The following CYFIP2 variants were observed in gnomAD, a reference collection of about 807,000 sequenced individuals.
CYFIP2 encodes the protein cytoplasmic FMR1-interacting protein 2.
Under a neutral mutation model 158.7 loss-of-function variants are expected in CYFIP2, and 29 were observed. That is an observed-to-expected ratio of 0.18 (90% confidence interval 0.14 to 0.25). CYFIP2 has a LOEUF of 0.25. Among genes scored for constraint, CYFIP2 ranks in the 10% least tolerant of loss-of-function variants. CYFIP2 has a pLI of 1.00. For missense variants in CYFIP2, 852 were observed against 1,639.5 expected, an observed-to-expected ratio of 0.52 and a Z score of 8.29; for synonymous variants, 585 against 617.6, an observed-to-expected ratio of 0.95 and a Z score of 0.78.
At position 157,392,460 on chromosome 5, in the gene CYFIP2, A is replaced by C. The variant is rs185120575; in HGVS notation, c.3595-373A>C. On this transcript the variant is annotated intron_variant, in intron 30 of 30. Coordinates refer to ENST00000620254, the MANE Select transcript of CYFIP2 (RefSeq NM_001037333.3). ...TGTGTGGGTATCCATATTTCCCAGCACCTTTTGTTGAAAAGGCTGTTTCCC... is the reference window on the plus strand; with the variant it reads ...TGTGTGGGTATCCATATTTCCCAGCCCCTTTTGTTGAAAAGGCTGTTTCCC... Among the ~76,000 whole-genome samples, 313 of 152,280 alleles carry C rather than the reference A, an allele frequency of 2.1e-3. 6 individuals are homozygous for C. The highest frequency in any genetic ancestry group is 0.019 in the Admixed American group (287 of 15,310).
chr5:157,266,129 T>A lies in CYFIP2; in HGVS notation c.-90T>A, dbSNP rs1247081533. ...CGGCGCAGCGGAGCGGGGCAGAGCA[T>A]CCTGCGCCCCGGCGCGGGGCCCTGC... On this transcript the variant is annotated 5_prime_UTR_variant, in exon 1 of 31. Transcript: ENST00000620254. This position sits in a 1 kb window ranked among gnomAD's most constrained non-coding sequence, Gnocchi z 4.2. 6.7e-6 allele frequency: 1 copy of A among 150,364 alleles called. No individual in the cohort carries two copies. Among genetic ancestry groups the A allele is most frequent in the Non-Finnish European group, 1.5e-5 (1 of 67,320 alleles). 9.3% of individuals were successfully genotyped at this position (150,364 alleles called of 1,614,324 possible). A position where few individuals can be genotyped will look rare whatever the true frequency, so the allele number is the denominator to read the frequency against.
intron 20 of CYFIP2, 92 bp downstream of exon 20, chr5:157,330,942 T>C: frequency 1.1e-6 from 1 of 950,432 alleles, no homozygotes; most frequent in Non-Finnish European, 1.7e-6. Context: ...GCCTGGGTAT[T>C]GTCTGCCCGG....
chr5:157,303,292 A>C lies in CYFIP2; in HGVS notation c.666+402A>C, dbSNP rs147161689. 8.3e-4 allele frequency among the ~76,000 whole-genome samples: 127 copies of C among 152,318 alleles called. 1 individual carries two copies. Among genetic ancestry groups the C allele is most frequent in the African/African-American group, 2.8e-3 (117 of 41,568 alleles). On this transcript the variant is annotated intron_variant, in intron 7 of 30. Transcript: ENST00000620254. ...TGAGAATATTATGAGAACCCATCTC[A>C]TAGGACTGTTGTGAGAAATAAATGA...
rs1295704784 is a variant in CYFIP2, at chr5:157,395,263, C to G, written c.*2263C>G. 3.6e-6 allele frequency: 1 copy of G among 274,000 alleles called. No homozygotes were observed. Among genetic ancestry groups the G allele is most frequent in the Non-Finnish European group, 7.0e-6 (1 of 143,326 alleles). The allele number at this position is 274,000 out of a possible 1,614,324, so 17.0% of individuals were successfully genotyped here. ...TAATATTCTTTCCTCCTTGGCATTA[C>G]TGCCCCAGCCTCTTTTTATTTTTTT... is the stretch of plus-strand genomic sequence containing the variant. On this transcript the variant is annotated 3_prime_UTR_variant, in exon 31 of 31. Transcript: ENST00000620254.
At chr5:157,315,612 G>C (rs1388045025) in intron 13 of CYFIP2, among the ~76,000 whole-genome samples, 1 of 152,180 alleles carries the variant, frequency 6.6e-6, no homozygotes, top group African/African-American at 2.4e-5. Flanking sequence ...CATACCCTTT[G>C]GTGAAGTTCT....
intron 13 of CYFIP2, among the ~76,000 whole-genome samples, chr5:157,316,031 A>C (rs1364999815): frequency 1.3e-5 from 2 of 152,200 alleles, no homozygotes; most frequent in Non-Finnish European, 2.9e-5. Flanking sequence ...TGGAAATTGC[A>C]TTGAGCCAAG....
At chr5:157,388,604 TA>T (rs1198148630) in intron 28 of CYFIP2, among the ~76,000 whole-genome samples, 2 of 152,240 alleles carry the variant, frequency 1.3e-5, no homozygotes, top group Non-Finnish European at 2.9e-5. Context: ...TCAATGTTTT[TA>T]AGTAGAATTG....
chr5:157,303,059 A>G, intron 7 of CYFIP2, 169 bp downstream of exon 7: 1 of 577,734 alleles, frequency 1.7e-6, no homozygotes, highest in Non-Finnish European at 3.1e-6. Context: ...CTGTCCTCCC[A>G]ACCCCAGGTG....
chr5:157,304,476 A>G, intron 8 of CYFIP2, 110 bp downstream of exon 8: 1 of 1,273,308 alleles, frequency 7.9e-7, no homozygotes, highest in African/African-American at 1.5e-5. Context: ...AAACATTGAT[A>G]CAGATCTTAC....
chr5:157,278,116 A>G (rs1464098379), intron 1 of CYFIP2, among the ~76,000 whole-genome samples: 2 of 151,986 alleles, frequency 1.3e-5, no homozygotes, highest in East Asian at 1.9e-4. Context: ...TTTAATAGGA[A>G]CAACCTAAAT....
In CYFIP2 at chr5:157,275,873, A is replaced by T. The variant is rs189058781; in HGVS notation, c.-23-9466A>T. ...GTGTATGTTTTGTACTTATTTTGTT[A>T]AGTTTATTTCTAAGTATTGTATTAT... On this transcript the variant is annotated intron_variant, in intron 1 of 30. Transcript: ENST00000620254. Among the ~76,000 whole-genome samples the T allele has an allele frequency of 4.3e-3, 649 of 152,276 alleles. 5 individuals are homozygous for T. The highest frequency in any genetic ancestry group is 0.015 in the African/African-American group (612 of 41,558).
rs1217732966 is a variant in CYFIP2, at chr5:157,311,968, G to T, written c.1110+187G>T. Among the ~76,000 whole-genome samples, 1 of 152,186 alleles carries T rather than the reference G, an allele frequency of 6.6e-6. No homozygotes were observed. Among genetic ancestry groups the T allele is most frequent in the Non-Finnish European group, 1.5e-5 (1 of 68,026 alleles). The stretch of plus-strand genomic sequence containing the variant: ...TGGGGTGAATTCTGGTGGTGCTGCT[G>T]CCCTTTGTAAGTTATTCAACATCTC... On this transcript the variant is annotated intron_variant, in intron 11 of 30. Transcript: ENST00000620254. The surrounding 1 kb of genome is among the most constrained non-coding windows in gnomAD (Gnocchi z 4.7).
At chr5:157,389,693 C>A in intron 29 of CYFIP2, 1 of 335,084 alleles carries the variant, frequency 3.0e-6, no homozygotes, top group Non-Finnish European at 5.4e-6. Context: ...GAGCAGACAG[C>A]AGAGCTAGTT....
At position 157,301,146 on chromosome 5, in the gene CYFIP2, C is replaced by T. The variant is rs548916619; in HGVS notation, c.569+250C>T. On this transcript the variant is annotated intron_variant, in intron 6 of 30. Coordinates refer to ENST00000620254, the MANE Select transcript of CYFIP2 (RefSeq NM_001037333.3). Reference sequence around the variant, plus strand: ...CAAGATGGAATCAAACCCTCAGTTCCCCCATCTCTGGAGCAGCAGCATTTT... The same window carrying T: ...CAAGATGGAATCAAACCCTCAGTTCTCCCATCTCTGGAGCAGCAGCATTTT... Among the ~76,000 whole-genome samples, 7 of 152,296 alleles carry T rather than the reference C, an allele frequency of 4.6e-5. No individual in the cohort carries two copies. In the East Asian group the frequency reaches 1.4e-3, roughly 29 times the overall value.
At chr5:157,338,876 C>G (rs1338905370) in intron 21 of CYFIP2, among the ~76,000 whole-genome samples, 181 bp from the exon 22 acceptor site, 1 of 152,196 alleles carries the variant, frequency 6.6e-6, no homozygotes, top group African/African-American at 2.4e-5. Flanking sequence ...TCTGACAATC[C>G]TTCCACTTCT....
intron 23 of CYFIP2, among the ~76,000 whole-genome samples, chr5:157,343,896 A>G (rs1244423798): frequency 3.3e-5 from 5 of 152,186 alleles, no homozygotes; most frequent in Non-Finnish European, 7.3e-5. Context: ...AGGAGAAATC[A>G]GTAGAACCTC....
At chr5:157,359,297 A>G (rs1763634405) in intron 24 of CYFIP2, 149 bp downstream of exon 24, 1 of 768,344 alleles carries the variant, frequency 1.3e-6, no homozygotes, top group South Asian at 1.8e-5. Flanking sequence ...TCCCTTGCCC[A>G]TATCCCTGGA....
At chr5:157,320,597 TGTA>T (rs1205993442) in intron 14 of CYFIP2, 55 bp from the exon 15 acceptor site, 3 of 1,608,280 alleles carry the variant, frequency 1.9e-6, no homozygotes, top group Non-Finnish European at 2.5e-6. Context: ...AACACAAGCT[TGTA>T]GTGACGTTTT....
At chr5:157,323,894 CCTT>C (rs1233098127) in intron 15 of CYFIP2, 24 bp from the exon 16 acceptor site, 1 of 1,523,022 alleles carries the variant, frequency 6.6e-7, no homozygotes, top group Non-Finnish European at 8.9e-7. Context: ...CAGCTTCTGA[CCTT>C]CTCATCTTGC....
Sources: gnomAD v4.1 joint callset for allele counts (sites outside exome capture counted in the v4.1 genomes callset) on GRCh38, gnomAD v4.1.1 for gene constraint, Gnocchi (gnomAD v3.1) non-coding constraint, MANE v1.5 for transcripts, NCBI Gene and HGNC (gene_info 2026-07-23, HGNC 2026-07-21) for gene names.